MACROD2: variants seen among roughly 807,000 people sequenced by gnomAD.
The protein encoded by MACROD2 is mono-ADP ribosylhydrolase 2, also known as ADP-ribose glycohydrolase MACROD2.
In MACROD2, 36 loss-of-function variants were observed where a neutral mutation model predicts 70.4. That is an observed-to-expected ratio of 0.51 (90% CI 0.39 to 0.68). The LOEUF (loss-of-function observed/expected upper bound fraction) is 0.68. Ranked by LOEUF, MACROD2 falls within the 30% of genes least tolerant of loss-of-function variation. MACROD2 has a pLI of 0.00. For synonymous variants in MACROD2, 172 were observed against 178.8 expected (o/e 0.96, Z 0.30); for missense variants, 496 against 538.4 (o/e 0.92, Z 0.78).
chr20:14,530,805 G>T (rs1015373705), intron 4 of MACROD2, among the ~76,000 whole-genome samples: 1 of 152,218 alleles, frequency 6.6e-6, no homozygotes, highest in South Asian at 2.1e-4. Flanking sequence ...TAACAGAATG[G>T]CAATTAATTA....
At chr20:14,334,171 G>T (rs957649091) in intron 3 of MACROD2, among the ~76,000 whole-genome samples, 35 of 152,100 alleles carry the variant, frequency 2.3e-4, no homozygotes, top group African/African-American at 8.2e-4. Flanking sequence ...TGTTTTCTCT[G>T]GGGTTTTCGT....
chr20:14,799,550 C>G (rs1448722458), intron 5 of MACROD2, among the ~76,000 whole-genome samples: 1 of 151,984 alleles, frequency 6.6e-6, no homozygotes, highest in African/African-American at 2.4e-5. Flanking sequence ...AACATAACAT[C>G]ATTAGATAAA....
chr20:14,948,735 A>C (rs1196305894), intron 5 of MACROD2, among the ~76,000 whole-genome samples: 1 of 152,194 alleles, frequency 6.6e-6, no homozygotes, highest in East Asian at 1.9e-4. Flanking sequence ...GACAGAAGAC[A>C]ATGAGTAACG....
chr20:14,374,037 C>G (rs1035394637), intron 3 of MACROD2, among the ~76,000 whole-genome samples: 2 of 152,008 alleles, frequency 1.3e-5, no homozygotes, highest in Non-Finnish European at 2.9e-5. Context: ...GTAATCTTTG[C>G]ATGACATTAT....
At chr20:14,094,464 C>T (rs565512807) in intron 3 of MACROD2, among the ~76,000 whole-genome samples, 106 of 152,286 alleles carry the variant, frequency 7.0e-4, no homozygotes, top group African/African-American at 2.4e-3. Flanking sequence ...TTCTCACCAA[C>T]GTCACCATAA....
intron 4 of MACROD2, among the ~76,000 whole-genome samples, chr20:14,606,899 G>T (rs1982841884): frequency 1.3e-5 from 2 of 152,098 alleles, no homozygotes; most frequent in Non-Finnish European, 2.9e-5. Context: ...CTTTTGTTGT[G>T]TAAGTAACAC....
At chr20:14,607,412 G>C (rs144691430) in intron 4 of MACROD2, among the ~76,000 whole-genome samples, 197 of 152,280 alleles carry the variant, frequency 1.3e-3, no homozygotes, top group African/African-American at 4.6e-3. Flanking sequence ...TTAGCATAGG[G>C]AGGTAGCCAA....
intron 6 of MACROD2, among the ~76,000 whole-genome samples, chr20:15,391,799 G>A (rs1418145072): frequency 6.6e-6 from 1 of 152,074 alleles, no homozygotes; most frequent in African/African-American, 2.4e-5. Flanking sequence ...TTTGATTTAG[G>A]CCACCGTTGA....
intron 8 of MACROD2, among the ~76,000 whole-genome samples, chr20:15,739,339 G>A (rs76887361): frequency 6.6e-6 from 1 of 152,006 alleles, no homozygotes; most frequent in Non-Finnish European, 1.5e-5. Flanking sequence ...GAGAGATAGG[G>A]GTTCAAATCT....
chr20:14,256,540 G>T (rs2082057946), intron 3 of MACROD2, among the ~76,000 whole-genome samples: 1 of 152,084 alleles, frequency 6.6e-6, no homozygotes, highest in African/African-American at 2.4e-5. Context: ...TTTCTGGCAA[G>T]TAATTGGCCT....
intron 8 of MACROD2, among the ~76,000 whole-genome samples, chr20:15,720,194 A>G (rs911877990): frequency 6.6e-6 from 1 of 152,140 alleles, no homozygotes; most frequent in Non-Finnish European, 1.5e-5. Context: ...TTATTCATTC[A>G]TCTGTTGTTG....
At chr20:14,798,976 A>G (rs943436246) in intron 5 of MACROD2, among the ~76,000 whole-genome samples, 1 of 151,998 alleles carries the variant, frequency 6.6e-6, no homozygotes, top group African/African-American at 2.4e-5. Flanking sequence ...ATTGAAATAT[A>G]TAACAGTTGT....
At chr20:15,865,320 C>A (rs2064476441) in intron 9 of MACROD2, among the ~76,000 whole-genome samples, 1 of 149,076 alleles carries the variant, frequency 6.7e-6, no homozygotes, top group African/African-American at 2.5e-5. Context: ...AATAATGGTT[C>A]AATGATAATT....
intron 6 of MACROD2, among the ~76,000 whole-genome samples, chr20:15,371,735 A>G (rs2045497221): frequency 6.6e-6 from 1 of 152,164 alleles, no homozygotes; most frequent in Non-Finnish European, 1.5e-5. Flanking sequence ...ATGGATAAAT[A>G]TTTTTTAAAA....
chr20:15,425,049 A>C (rs1195132240), intron 6 of MACROD2, among the ~76,000 whole-genome samples: 1 of 152,188 alleles, frequency 6.6e-6, no homozygotes, highest in African/African-American at 2.4e-5. Context: ...TACGCGCAAA[A>C]CTTTCAGAGA....
intron 3 of MACROD2, among the ~76,000 whole-genome samples, chr20:14,146,923 A>G (rs2054950093): frequency 6.6e-6 from 1 of 152,198 alleles, no homozygotes. Context: ...ACAGTGGCCC[A>G]GGCTTCTTGA....
chr20:15,383,343 C>A (rs747541881), intron 6 of MACROD2, among the ~76,000 whole-genome samples: 62 of 152,162 alleles, frequency 4.1e-4, no homozygotes, highest in Admixed American at 2.6e-3. Flanking sequence ...AAACCAGATG[C>A]TGCATTTTCA....
chr20:14,437,455 G>C (rs1034980628), intron 3 of MACROD2, among the ~76,000 whole-genome samples: 1 of 152,000 alleles, frequency 6.6e-6, no homozygotes, highest in Non-Finnish European at 1.5e-5. Context: ...TTAGCAGGGC[G>C]TGGTGGTGAG....
At chr20:14,209,026 A>C (rs1481660992) in intron 3 of MACROD2, among the ~76,000 whole-genome samples, 1 of 152,204 alleles carries the variant, frequency 6.6e-6, no homozygotes, top group Non-Finnish European at 1.5e-5. Context: ...TGCTCCTAAG[A>C]GATTTATGAT....
Sources: allele counts gnomAD v4.1 joint callset (sites outside exome capture counted in the v4.1 genomes callset), GRCh38; gene constraint gnomAD v4.1.1; transcripts MANE v1.5; gene names NCBI Gene and HGNC (gene_info 2026-07-23, HGNC 2026-07-21).